PLEKHG7: variants seen among roughly 807,000 people sequenced by gnomAD.
The protein encoded by PLEKHG7 is pleckstrin homology and RhoGEF domain containing G7.
Under a neutral mutation model 85.2 loss-of-function variants are expected in PLEKHG7, and 77 were observed. That is an observed-to-expected ratio of 0.90 (90% CI 0.75 to 1.09). PLEKHG7 has a LOEUF of 1.09. PLEKHG7 is among the 50% of genes least tolerant of loss of function. The pLI, the probability that PLEKHG7 is intolerant of heterozygous loss-of-function variation, is 0.00. For synonymous variants in PLEKHG7, 301 were observed against 302.4 expected, an observed-to-expected ratio of 1.00 and a Z score of 0.05; for missense variants, 777 against 804.3, an observed-to-expected ratio of 0.97 and a Z score of 0.41.
rs959816567 is a variant in PLEKHG7, at chr12:92,771,702, C to T, written c.*1507C>T. The T allele has an allele frequency of 3.9e-5, 6 of 151,914 alleles. No individual in the cohort carries two copies. The highest frequency in any genetic ancestry group is 7.4e-5 in the Non-Finnish European group (5 of 67,884). 9.4% of individuals were successfully genotyped at this position (151,914 alleles called of 1,614,324 possible). On this transcript the variant is annotated 3_prime_UTR_variant, in exon 17 of 17. Coordinates refer to ENST00000344636, the MANE Select transcript of PLEKHG7 (RefSeq NM_001377329.1). ...AATTTCTGGTTAAAAAAAATTTTTA[C>T]ATTAACAATCATCTTGCAAATGTTT...
chr12:92,766,719 A>G (rs1433228661), intron 15 of PLEKHG7, among the ~76,000 whole-genome samples: 1 of 152,120 alleles, frequency 6.6e-6, no homozygotes, highest in Non-Finnish European at 1.5e-5. Context: ...AATTCCAGCT[A>G]CTGGGGAGAC....
chr12:92,734,092 CT>C (rs1458635551), intron 5 of PLEKHG7, among the ~76,000 whole-genome samples: 1 of 152,234 alleles, frequency 6.6e-6, no homozygotes, highest in Non-Finnish European at 1.5e-5. Flanking sequence ...AGAAGCTTCA[CT>C]TTCACAAGAA....
At position 92,703,109 on chromosome 12, in the gene PLEKHG7, C is replaced by T. The variant is rs1871127650; in HGVS notation, c.-185C>T. On this transcript the variant is annotated 5_prime_UTR_variant, in exon 1 of 17. Coordinates refer to ENST00000344636, the MANE Select transcript of PLEKHG7 (RefSeq NM_001377329.1). ...TCGGGACCCACCTGGGTGCAGTTGC[C>T]TTCAGGGACAGACCATCTTACAGGT... The T allele has an allele frequency of 6.6e-6, 1 of 152,252 alleles. No homozygotes were observed. The highest frequency in any genetic ancestry group is 2.4e-5 in the African/African-American group (1 of 41,460). The allele number at this position is 152,252 out of a possible 1,614,324, so 9.4% of individuals were successfully genotyped here.
Position 92,732,278 on chromosome 12 carries a change from G to A in PLEKHG7, c.699+5G>A. ...CCTTTCTCCAAAAGAGGAGTGGTAA[G>A]TGTTGCAAATTGCCATTTTTGTTTT... On this transcript the variant is annotated splice_donor_5th_base_variant and intron_variant, in intron 5 of 16. Transcript: ENST00000344636. The A allele has an allele frequency of 8.1e-7, 1 of 1,231,176 alleles. No homozygotes were observed. Among genetic ancestry groups the A allele is most frequent in the Non-Finnish European group, 1.0e-6 (1 of 987,140 alleles). The allele number at this position is 1,231,176 out of a possible 1,614,324, so 76.3% of individuals were successfully genotyped here. A position where few individuals can be genotyped will look rare whatever the true frequency, so the allele number is the denominator to read the frequency against.
chr12:92,722,378 G>A (rs528775513), intron 3 of PLEKHG7, among the ~76,000 whole-genome samples: 2 of 152,276 alleles, frequency 1.3e-5, no homozygotes, highest in African/African-American at 4.8e-5. Flanking sequence ...TGGCTACAAT[G>A]GTGGTTCTTG....
chr12:92,721,607 G>A (rs552571035), intron 3 of PLEKHG7: 2 of 1,078,372 alleles, frequency 1.9e-6, no homozygotes, highest in Non-Finnish European at 2.3e-6. Flanking sequence ...CTGCTCTAGA[G>A]AGCTGCAAAG....
chr12:92,722,120 TACAC>T (rs1871666678), intron 3 of PLEKHG7, among the ~76,000 whole-genome samples: 1 of 151,250 alleles, frequency 6.6e-6, no homozygotes, highest in Non-Finnish European at 1.5e-5. Context: ...CCAGTTCGGA[TACAC>T]ACTGCACCCA....
At chr12:92,715,821 C>G (rs1318578284) in intron 3 of PLEKHG7, among the ~76,000 whole-genome samples, 1 of 151,768 alleles carries the variant, frequency 6.6e-6, no homozygotes, top group Non-Finnish European at 1.5e-5. Context: ...TTGGAACACA[C>G]CAACGCCCAC....
intron 10 of PLEKHG7, among the ~76,000 whole-genome samples, chr12:92,751,150 A>G (rs184168229): frequency 1.1e-4 from 17 of 152,354 alleles, no homozygotes; most frequent in Non-Finnish European, 2.5e-4. Context: ...ACAACAGAGC[A>G]TTGTAGAAGA....
chr12:92,754,554 T>A (rs181668236), intron 11 of PLEKHG7, among the ~76,000 whole-genome samples: 2 of 152,322 alleles, frequency 1.3e-5, no homozygotes, highest in Admixed American at 1.3e-4. Flanking sequence ...ACTTCCCAGA[T>A]AACTGAAGGC....
Position 92,705,381 on chromosome 12 carries a change from G to GAA in PLEKHG7, c.-161-1087_-161-1086dup, listed in dbSNP as rs553414367. On this transcript the variant is annotated intron_variant, in intron 1 of 16. Transcript: ENST00000344636. Reference sequence around the variant, plus strand: ...TTAAAGAAGCAAATAATACACCCTAGAAAAGTTCTACTAAAAAGTATTGCC... The same window carrying GAA: ...TTAAAGAAGCAAATAATACACCCTAGAAAAAAGTTCTACTAAAAAGTATTGCC... 3.7e-4 allele frequency among the ~76,000 whole-genome samples: 57 copies of GAA among 152,324 alleles called. 1 individual carries two copies. In the East Asian group the frequency reaches 7.9e-3, roughly 21 times the overall value.
chr12:92,770,083 A>T lies in PLEKHG7; in HGVS notation c.1969-5A>T, dbSNP rs781305131. 22 of 1,566,314 alleles carry T rather than the reference A, an allele frequency of 1.4e-5. No individual in the cohort carries two copies. In the South Asian group the frequency reaches 2.5e-4, roughly 18 times the overall value. On this transcript the variant is annotated splice_polypyrimidine_tract_variant and splice_region_variant and intron_variant, in intron 16 of 16. Transcript: ENST00000344636. ...ATTTATGTATTTTTTTCTTTTTTTCAACAGAAAACATGGATGGCACAAATA... is the reference window on the plus strand; with the variant it reads ...ATTTATGTATTTTTTTCTTTTTTTCTACAGAAAACATGGATGGCACAAATA...
At chr12:92,737,012 C>T (rs1173688841) in intron 6 of PLEKHG7, among the ~76,000 whole-genome samples, 1 of 152,282 alleles carries the variant, frequency 6.6e-6, no homozygotes, top group African/African-American at 2.4e-5. Flanking sequence ...TCAGACTTCC[C>T]AGTCCTGGGT....
At chr12:92,747,381 C>T (rs1872562916) in intron 10 of PLEKHG7, among the ~76,000 whole-genome samples, 1 of 147,598 alleles carries the variant, frequency 6.8e-6, no homozygotes, top group Admixed American at 6.9e-5. Flanking sequence ...GTTAAAATGG[C>T]TGCTATTTAA....
chr12:92,742,442 A>T (rs1036589169), intron 9 of PLEKHG7, among the ~76,000 whole-genome samples: 4 of 152,204 alleles, frequency 2.6e-5, no homozygotes, highest in Admixed American at 2.6e-4. Context: ...AGTCACAGAT[A>T]GGAAATGCTT....
At chr12:92,726,348 G>A (rs746086614) in intron 3 of PLEKHG7, among the ~76,000 whole-genome samples, 7 of 152,208 alleles carry the variant, frequency 4.6e-5, no homozygotes, top group Admixed American at 2.6e-4. Flanking sequence ...CCAAAAGGGT[G>A]TGACAAACCT....
chr12:92,764,280 C>A, intron 15 of PLEKHG7, 86 bp downstream of exon 15: 1 of 1,311,556 alleles, frequency 7.6e-7, no homozygotes, highest in Non-Finnish European at 1.0e-6. Context: ...GTCATAAATC[C>A]AATTCAAGTC....
intron 10 of PLEKHG7, among the ~76,000 whole-genome samples, chr12:92,750,072 C>G (rs1872651398): frequency 6.8e-6 from 1 of 147,744 alleles, no homozygotes; most frequent in Admixed American, 6.9e-5. Context: ...CTCTGTCACC[C>G]AGGCTGGAAT....
chr12:92,770,233 T>C lies in PLEKHG7; in HGVS notation c.*38T>C. The stretch of plus-strand genomic sequence containing the variant: ...AGTGGCATGTCTTTTTAGAAGATTA[T>C]GGTTTAAGGTATAATTTCATTCAAA... On this transcript the variant is annotated 3_prime_UTR_variant, in exon 17 of 17. Coordinates refer to ENST00000344636, the MANE Select transcript of PLEKHG7 (RefSeq NM_001377329.1). The C allele has an allele frequency of 1.4e-6, 2 of 1,386,284 alleles. No homozygotes were observed. Among genetic ancestry groups the C allele is most frequent in the Non-Finnish European group, 1.0e-6 (1 of 991,046 alleles). 85.9% of individuals were successfully genotyped at this position (1,386,284 alleles called of 1,614,324 possible).
Sources: gnomAD v4.1 joint callset for allele counts (sites outside exome capture counted in the v4.1 genomes callset) on GRCh38, gnomAD v4.1.1 for gene constraint, MANE v1.5 for transcripts, NCBI Gene and HGNC (gene_info 2026-07-23, HGNC 2026-07-21) for gene names.